Variants in KATNIP observed in about 807,000 individuals in gnomAD.
The protein encoded by KATNIP is katanin interacting protein.
A neutral mutation model predicts 174.0 loss-of-function variants in KATNIP; 126 were observed. That is an observed-to-expected ratio of 0.72 (90% CI 0.63 to 0.84). KATNIP has a LOEUF of 0.84. Among genes scored for constraint, KATNIP ranks in the 40% least tolerant of loss-of-function variants. The pLI, the probability that KATNIP is intolerant of heterozygous loss-of-function variation, is 0.00. For synonymous variants in KATNIP, 810 were observed against 835.7 expected, an observed-to-expected ratio of 0.97 and a Z score of 0.53; for missense variants, 1,958 against 2,109.7, an observed-to-expected ratio of 0.93 and a Z score of 1.41.
intron 14 of KATNIP, among the ~76,000 whole-genome samples, chr16:27,725,808 C>T (rs534452461): frequency 5.3e-5 from 8 of 152,320 alleles, no homozygotes; most frequent in East Asian, 1.9e-4. Flanking sequence ...ACGCAAGTGC[C>T]GCCTCCAGCC....
In KATNIP at chr16:27,777,810, TA is replaced by T; in HGVS notation, c.4712+42del. 1 of 1,613,362 alleles carries T rather than the reference TA, an allele frequency of 6.2e-7. No individual in the cohort carries two copies. The highest frequency in any genetic ancestry group is 8.5e-7 in the Non-Finnish European group (1 of 1,179,454). On this transcript the variant is annotated intron_variant, in intron 26 of 27. Transcript: ENST00000261588. The surrounding 1 kb of genome is among the most constrained non-coding windows in gnomAD (Gnocchi z 4.4). ...GGCCCCATGGCCTCCCCACCAGCCC[TA>T]AGGAGGATGGATGGCTGGGACACAC...
chr16:27,632,246 A>C (rs1310411405), intron 5 of KATNIP, among the ~76,000 whole-genome samples: 1 of 152,216 alleles, frequency 6.6e-6, no homozygotes, highest in Non-Finnish European at 1.5e-5. Context: ...ATTTCTCAGA[A>C]AGGGTGGCAG....
chr16:27,693,139 C>T (rs2078792964), intron 8 of KATNIP, among the ~76,000 whole-genome samples: 1 of 152,180 alleles, frequency 6.6e-6, no homozygotes, highest in East Asian at 1.9e-4. Flanking sequence ...CAATAAGAAT[C>T]TGCAACATAG....
intron 9 of KATNIP, among the ~76,000 whole-genome samples, chr16:27,699,022 G>A (rs1373175359): frequency 6.6e-6 from 1 of 152,238 alleles, no homozygotes; most frequent in African/African-American, 2.4e-5. Flanking sequence ...TAAATGGTGG[G>A]TAGATCAGGG....
At chr16:27,673,217 CAGGGT>C in intron 6 of KATNIP, among the ~76,000 whole-genome samples, 1 of 152,150 alleles carries the variant, frequency 6.6e-6, no homozygotes, top group East Asian at 1.9e-4. Flanking sequence ...ATCTGTCTTA[CAGGGT>C]TTTTCTGAGC....
chr16:27,730,286 A>G (rs1040693584), intron 14 of KATNIP, among the ~76,000 whole-genome samples: 1 of 152,250 alleles, frequency 6.6e-6, no homozygotes, highest in Non-Finnish European at 1.5e-5. Context: ...CCAACATTTT[A>G]AAATTGGGAG....
At chr16:27,729,627 G>A (rs1323541142) in intron 14 of KATNIP, among the ~76,000 whole-genome samples, 1 of 152,116 alleles carries the variant, frequency 6.6e-6, no homozygotes, top group Non-Finnish European at 1.5e-5. Context: ...CAAAGCTGCA[G>A]GCCTAACCAC....
At chr16:27,708,978 G>A in intron 13 of KATNIP, 58 bp downstream of exon 13, 2 of 1,390,980 alleles carry the variant, frequency 1.4e-6, no homozygotes, top group Non-Finnish European at 2.0e-6. Flanking sequence ...CATTTTCTCT[G>A]CCCTTGGTAA....
intron 6 of KATNIP, among the ~76,000 whole-genome samples, chr16:27,657,708 A>G (rs1353211335): frequency 1.3e-5 from 2 of 152,152 alleles, no homozygotes; most frequent in Non-Finnish European, 1.5e-5. Context: ...TCAAGAGTTC[A>G]AGACCAGTCT....
intron 6 of KATNIP, among the ~76,000 whole-genome samples, chr16:27,656,494 A>T (rs946183791): frequency 2.0e-5 from 3 of 151,856 alleles, no homozygotes; most frequent in African/African-American, 7.3e-5. Context: ...TTCAGATTAA[A>T]GGAGAGTAAA....
chr16:27,741,320 C>T (rs1264072461), intron 15 of KATNIP, among the ~76,000 whole-genome samples: 2 of 152,174 alleles, frequency 1.3e-5, no homozygotes, highest in East Asian at 3.8e-4. Flanking sequence ...GGCCTGTAAT[C>T]CCAGCACTTT....
chr16:27,711,243 G>A (rs967369776), intron 13 of KATNIP, among the ~76,000 whole-genome samples: 3 of 152,172 alleles, frequency 2.0e-5, no homozygotes, highest in Non-Finnish European at 4.4e-5. Context: ...ACAGGAGGAT[G>A]TGAGATTCTT....
At chr16:27,634,493 G>A (rs2076578518) in intron 5 of KATNIP, among the ~76,000 whole-genome samples, 1 of 152,190 alleles carries the variant, frequency 6.6e-6, no homozygotes, top group Non-Finnish European at 1.5e-5. Flanking sequence ...TGGGAAGGTG[G>A]GGTATCAGCA....
chr16:27,698,422 A>G lies in KATNIP; in HGVS notation c.1035A>G (p.Gln345=). 14 of 1,613,672 alleles carry G rather than the reference A, an allele frequency of 8.7e-6. No individual in the cohort carries two copies. The highest frequency in any genetic ancestry group is 1.2e-5 in the Non-Finnish European group (14 of 1,179,864). The change falls in exon 9 of 28, where the codon CAA becomes CAG. Residue 345 remains glutamine, a synonymous_variant. Coordinates refer to ENST00000261588, the MANE Select transcript of KATNIP (RefSeq NM_015202.5). ...AGGAAGATGCCTCTGCTGTGCTCCA[A>G]GCCATCCAGGTGGAGAACGCAGCCC... The part of the protein sequence containing the change: ...YPEEDASAVL[Q]AIQVENAALQ...
rs1404427375 is a variant in KATNIP, at chr16:27,750,145, T to A, written c.3185T>A (p.Ile1062Asn). 5 of 1,614,034 alleles carry A rather than the reference T, an allele frequency of 3.1e-6. No homozygotes were observed. Among genetic ancestry groups the A allele is most frequent in the African/African-American group, 1.3e-5 (1 of 74,904 alleles). ...FTRGRSHSIT[I>N]DFTHPCHVAL... ...CGGGGCAGATCCCACTCCATCACCATTGACTTCACGCACCCTTGCCACGTT... is the reference window on the plus strand; with the variant it reads ...CGGGGCAGATCCCACTCCATCACCAATGACTTCACGCACCCTTGCCACGTT... The change falls in exon 16 of 28, where the codon ATT (isoleucine) becomes AAT (asparagine). Residue 1062 changes from isoleucine (I) to asparagine (N), a missense_variant. By Grantham distance (149) the Ile-to-Asn change is moderately radical. Around this residue, in one of 3 missense-constraint regions of KATNIP, gnomAD observed 1,557 missense variants for 1,617.8 expected, o/e 0.96. Transcript: ENST00000261588.
At chr16:27,699,348 T>C in intron 9 of KATNIP, 186 bp from the exon 10 acceptor site, 2 of 694,126 alleles carry the variant, frequency 2.9e-6, no homozygotes, top group Non-Finnish European at 3.5e-6. Flanking sequence ...TTGGGGTTGA[T>C]CTTTGGGGCA....
At chr16:27,564,178 G>C (rs1183891797) in intron 1 of KATNIP, among the ~76,000 whole-genome samples, 1 of 152,184 alleles carries the variant, frequency 6.6e-6, no homozygotes, top group Non-Finnish European at 1.5e-5. Context: ...CAGTTGAACT[G>C]GCTGAGATCC....
At position 27,628,743 on chromosome 16, in the gene KATNIP, G is replaced by A. The variant is rs753982793; in HGVS notation, c.223G>A (p.Gly75Ser). 4.3e-6 allele frequency: 7 copies of A among 1,614,062 alleles called. No homozygotes were observed. The highest frequency in any genetic ancestry group is 1.1e-5 in the South Asian group (1 of 91,090). ...LEQGFSVYVNGANSELKSSPR... is the reference protein window; with the variant it reads ...LEQGFSVYVNSANSELKSSPR... Reference sequence around the variant, plus strand: ...GCAAGGTTTCTCTGTCTATGTCAACGGTGCCAATTCGGAGCTGAAATCATC... The same window carrying A: ...GCAAGGTTTCTCTGTCTATGTCAACAGTGCCAATTCGGAGCTGAAATCATC... The change falls in exon 4 of 28, where the codon GGT becomes AGT. Residue 75 changes from glycine (G) to serine (S), a missense_variant. Gly to Ser is a moderately conservative substitution (Grantham distance 56, BLOSUM62 0). Coordinates refer to ENST00000261588, the MANE Select transcript of KATNIP (RefSeq NM_015202.5).
chr16:27,721,322 C>T (rs1045526468), intron 13 of KATNIP, among the ~76,000 whole-genome samples: 8 of 152,074 alleles, frequency 5.3e-5, no homozygotes, highest in African/African-American at 1.9e-4. Context: ...CAGAGGGGTC[C>T]GTGTGGCAGC....
Sources: gnomAD v4.1 joint callset for allele counts (sites outside exome capture counted in the v4.1 genomes callset) on GRCh38, gnomAD v4.1.1 for gene constraint, gnomAD v4.1.1 regional missense constraint, Gnocchi (gnomAD v3.1) non-coding constraint, MANE v1.5 for transcripts, NCBI Gene and HGNC (gene_info 2026-07-23, HGNC 2026-07-21) for gene names.